The following THUMPD2 variants were observed in gnomAD, a reference collection of about 807,000 sequenced individuals.
THUMPD2 encodes THUMP domain 2 tRNA and snRNA guanosine methyltransferase.
A neutral mutation model predicts 49.4 loss-of-function variants in THUMPD2; 56 were observed. That is an observed-to-expected ratio of 1.13 (90% CI 0.91 to 1.41). The LOEUF (loss-of-function observed/expected upper bound fraction) is 1.41, where lower values mean the gene tolerates loss of function less well. Ranked by LOEUF, THUMPD2 falls within the 40% of genes most tolerant of loss-of-function variation. The pLI is 0.00. For synonymous variants in THUMPD2, 237 were observed against 205.2 expected (o/e 1.15, Z -1.32); for missense variants, 709 against 594.5 (o/e 1.19, Z -2.00).
In THUMPD2 at chr2:39,736,697, T is replaced by C. The variant is rs113822176; in HGVS notation, c.*38A>G. 2.0e-4 allele frequency: 319 copies of C among 1,569,138 alleles called. 1 individual carries two copies. The highest frequency in any genetic ancestry group is 2.5e-4 in the Non-Finnish European group (283 of 1,154,824). Reference sequence around the variant, plus strand: ...AGCAAACTTCTGCTGTACAGCTAACTTACAAGGGCCTGAACCCGGCTGATG... The same window carrying C: ...AGCAAACTTCTGCTGTACAGCTAACCTACAAGGGCCTGAACCCGGCTGATG... On this transcript the variant is annotated 3_prime_UTR_variant, in exon 10 of 10. Transcript: ENST00000505747.
chr2:39,762,430 A>G (rs72787309), intron 5 of THUMPD2, among the ~76,000 whole-genome samples: 37 of 152,282 alleles, frequency 2.4e-4, no homozygotes, highest in Non-Finnish European at 5.1e-4. Context: ...AGCCTCTTAA[A>G]ATCTTAGAAC....
chr2:39,768,527 A>G, intron 3 of THUMPD2, 26 bp from the exon 4 acceptor site: 1 of 1,573,238 alleles, frequency 6.4e-7, no homozygotes, highest in Non-Finnish European at 8.7e-7. Flanking sequence ...GTTAAAGAAA[A>G]GAATACTAAA....
At chr2:39,756,347 T>C (rs1412806027) in intron 6 of THUMPD2, among the ~76,000 whole-genome samples, 1 of 152,000 alleles carries the variant, frequency 6.6e-6, no homozygotes, top group African/African-American at 2.4e-5. Flanking sequence ...CTTGTGATTC[T>C]ATTATTTAAG....
chr2:39,743,407 A>C (rs1405769167), intron 9 of THUMPD2, among the ~76,000 whole-genome samples: 1 of 152,252 alleles, frequency 6.6e-6, no homozygotes, highest in Non-Finnish European at 1.5e-5. Context: ...AGGTCATTAG[A>C]AACCATAAGA....
intron 8 of THUMPD2, among the ~76,000 whole-genome samples, chr2:39,748,441 G>A (rs1674895476): frequency 6.6e-6 from 1 of 152,132 alleles, no homozygotes; most frequent in Non-Finnish European, 1.5e-5. Context: ...GGTGGTTCAC[G>A]CCTGTAATCC....
chr2:39,778,673 G>A (rs1679431187), intron 1 of THUMPD2, among the ~76,000 whole-genome samples: 1 of 152,094 alleles, frequency 6.6e-6, no homozygotes, highest in African/African-American at 2.4e-5. Flanking sequence ...CTTTGCATAC[G>A]CTATATAATT....
chr2:39,778,171 T>C (rs933501202), intron 1 of THUMPD2, among the ~76,000 whole-genome samples: 28 of 152,202 alleles, frequency 1.8e-4, no homozygotes, highest in African/African-American at 6.0e-4. Context: ...CGCAAATAAA[T>C]ATAGGGTAAA....
At chr2:39,748,657 C>T (rs1274349169) in intron 8 of THUMPD2, among the ~76,000 whole-genome samples, 1 of 151,386 alleles carries the variant, frequency 6.6e-6, no homozygotes, top group East Asian at 1.9e-4. Flanking sequence ...CACTGCACTC[C>T]AGCCTGGCGA....
chr2:39,757,411 TC>T, intron 6 of THUMPD2: 7 of 1,302,964 alleles, frequency 5.4e-6, no homozygotes, highest in Non-Finnish European at 7.1e-6. Context: ...ACAGAAGCCT[TC>T]CCCTGGTACT....
intron 9 of THUMPD2, among the ~76,000 whole-genome samples, chr2:39,737,965 T>C (rs1673349637): frequency 6.6e-6 from 1 of 151,938 alleles, no homozygotes; most frequent in Non-Finnish European, 1.5e-5. Flanking sequence ...CTGATGTACC[T>C]AAGGAACACA....
chr2:39,765,896 G>T (rs549443967), intron 5 of THUMPD2, among the ~76,000 whole-genome samples, 161 bp downstream of exon 5: 3 of 152,140 alleles, frequency 2.0e-5, no homozygotes, highest in African/African-American at 7.2e-5. Context: ...TATCCACTAA[G>T]TTCCGTGAAA....
At chr2:39,777,468 C>CT (rs1380566910) in intron 1 of THUMPD2, among the ~76,000 whole-genome samples, 1 of 152,114 alleles carries the variant, frequency 6.6e-6, no homozygotes, top group South Asian at 2.1e-4. Flanking sequence ...CCAATTTTCT[C>CT]TTTTTTTGGT....
intron 1 of THUMPD2, among the ~76,000 whole-genome samples, chr2:39,774,307 T>C (rs1678782585): frequency 6.6e-6 from 1 of 152,260 alleles, no homozygotes; most frequent in South Asian, 2.1e-4. Context: ...TTTCAATGTT[T>C]AACATTAGAA....
Position 39,736,150 on chromosome 2 carries a change from T to A in THUMPD2, c.*585A>T, listed in dbSNP as rs1673061056. ...TATAAATAAGGGCGAGGTGACAGTG[T>A]ATGAATGCTTTTAGAAAAAAAGCAA... On this transcript the variant is annotated 3_prime_UTR_variant, in exon 10 of 10. Transcript: ENST00000505747. The A allele has an allele frequency of 6.6e-6, 1 of 152,288 alleles. No individual in the cohort carries two copies. The highest frequency in any genetic ancestry group is 2.4e-5 in the African/African-American group (1 of 41,456). 9.4% of individuals were successfully genotyped at this position (152,288 alleles called of 1,614,324 possible).
At chr2:39,747,448 T>G (rs1674761001) in intron 8 of THUMPD2, among the ~76,000 whole-genome samples, 1 of 152,172 alleles carries the variant, frequency 6.6e-6, no homozygotes. Context: ...ACACGCAAAA[T>G]GTAGTCTGAC....
intron 4 of THUMPD2, among the ~76,000 whole-genome samples, chr2:39,767,602 T>TAAAAA (rs1364562148): frequency 4.9e-5 from 1 of 20,248 alleles, no homozygotes; most frequent in South Asian, 1.7e-3. Flanking sequence ...AGACTCCGTC[T>TAAAAA]CAAAAAAAAA....
chr2:39,757,360 A>G (rs1676279198), intron 6 of THUMPD2: 1 of 1,300,164 alleles, frequency 7.7e-7, no homozygotes, highest in South Asian at 1.2e-5. Context: ...AGTCAGAGCC[A>G]TATGGTACCT....
At chr2:39,740,773 C>T (rs770477751) in intron 9 of THUMPD2, among the ~76,000 whole-genome samples, 40 of 152,128 alleles carry the variant, frequency 2.6e-4, no homozygotes, top group African/African-American at 3.6e-4. Context: ...GTAGCTTGAT[C>T]GCAGCCCACT....
intron 7 of THUMPD2, 25 bp from the exon 8 acceptor site, chr2:39,755,434 C>T: frequency 7.0e-7 from 1 of 1,420,258 alleles, no homozygotes; most frequent in Non-Finnish European, 9.6e-7. Flanking sequence ...ATATTTTAAG[C>T]ATAAATAAAA....
Sources: gnomAD v4.1 joint callset for allele counts (sites outside exome capture counted in the v4.1 genomes callset) on GRCh38, gnomAD v4.1.1 for gene constraint, MANE v1.5 for transcripts, NCBI Gene and HGNC (gene_info 2026-07-23, HGNC 2026-07-21) for gene names.